Variants in OSBPL8 observed in about 807,000 individuals in gnomAD.
OSBPL8 encodes the protein oxysterol binding protein like 8.
OSBPL8 carries 59 observed loss-of-function variants against 125.5 expected under a neutral mutation model. That is an observed-to-expected ratio of 0.47 (90% CI 0.38 to 0.58). OSBPL8 has a LOEUF of 0.58. OSBPL8 is among the 20% of genes least tolerant of loss of function. The pLI is 0.00. For synonymous variants in OSBPL8, 330 were observed against 338.9 expected (o/e 0.97, Z 0.29); for missense variants, 758 against 1,047.8 (o/e 0.72, Z 3.82).
At chr12:76,405,720 C>A (rs1954233070) in intron 5 of OSBPL8, among the ~76,000 whole-genome samples, 1 of 152,130 alleles carries the variant, frequency 6.6e-6, no homozygotes, top group African/African-American at 2.4e-5. Context: ...AATCAAAACA[C>A]CTTTCAAATG....
chr12:76,356,094 T>C (rs1951973347), intron 23 of OSBPL8, 73 bp from the exon 24 acceptor site: 2 of 1,128,684 alleles, frequency 1.8e-6, no homozygotes, highest in Non-Finnish European at 2.4e-6. Context: ...CAATTTGATA[T>C]TAAACAGTCA....
chr12:76,499,708 G>A (rs1040941100), intron 1 of OSBPL8, among the ~76,000 whole-genome samples: 2 of 151,964 alleles, frequency 1.3e-5, no homozygotes, highest in South Asian at 2.1e-4. Context: ...AAAATTAGCC[G>A]GGCATGGTGG....
intron 4 of OSBPL8, 74 bp downstream of exon 4, chr12:76,450,777 A>C (rs947347833): frequency 7.1e-7 from 1 of 1,414,722 alleles, no homozygotes; most frequent in Non-Finnish European, 9.5e-7. Context: ...TAGTCCCCAA[A>C]TGTCATTCTC....
intron 12 of OSBPL8, 104 bp from the exon 13 acceptor site, chr12:76,386,764 AT>A: frequency 1.4e-6 from 1 of 720,466 alleles, no homozygotes; most frequent in South Asian, 2.2e-5. Context: ...GGAAAACATA[AT>A]TCTTATTTTA....
intron 4 of OSBPL8, among the ~76,000 whole-genome samples, chr12:76,448,611 T>C (rs986047230): frequency 1.3e-5 from 2 of 152,226 alleles, no homozygotes; most frequent in Non-Finnish European, 2.9e-5. Context: ...AACTAAGCAA[T>C]ATATGTTATA....
chr12:76,355,375 T>C lies in OSBPL8; in HGVS notation c.*514A>G, dbSNP rs1376432812. 2 of 152,132 alleles carry C rather than the reference T, an allele frequency of 1.3e-5. No individual in the cohort carries two copies. Among genetic ancestry groups the C allele is most frequent in the Non-Finnish European group, 2.9e-5 (2 of 67,974 alleles). The allele number at this position is 152,132 out of a possible 1,614,324, so 9.4% of individuals were successfully genotyped here. ...AAGAAGATAATTGAGCTGAGTGCTT[T>C]GCAAATGATTTTAACAGTAGTGTAT... On this transcript the variant is annotated 3_prime_UTR_variant, in exon 24 of 24. Transcript: ENST00000261183.
At chr12:76,536,816 CAAAA>C (rs36035843) in intron 1 of OSBPL8, among the ~76,000 whole-genome samples, 1 of 91,092 alleles carries the variant, frequency 1.1e-5, no homozygotes. Context: ...ATAGGAGTAT[CAAAA>C]AAAAAAAAAA....
At chr12:76,381,836 G>C (rs1859431694) in intron 15 of OSBPL8, among the ~76,000 whole-genome samples, 2 of 151,778 alleles carry the variant, frequency 1.3e-5, no homozygotes, top group Admixed American at 6.6e-5. Context: ...CCGGGTTCAA[G>C]TGATTCTCCT....
intron 4 of OSBPL8, among the ~76,000 whole-genome samples, chr12:76,428,202 A>T (rs1347141715): frequency 6.6e-6 from 1 of 152,052 alleles, no homozygotes; most frequent in Non-Finnish European, 1.5e-5. Context: ...TTTCCATTTG[A>T]AAATGGTAGA....
intron 12 of OSBPL8, among the ~76,000 whole-genome samples, chr12:76,386,894 C>T (rs939778041): frequency 2.0e-5 from 3 of 152,054 alleles, no homozygotes; most frequent in African/African-American, 4.8e-5. Context: ...CCTGGGTCTT[C>T]GCTAAAGTAG....
At chr12:76,437,560 A>G (rs1350390491) in intron 4 of OSBPL8, among the ~76,000 whole-genome samples, 2 of 152,194 alleles carry the variant, frequency 1.3e-5, no homozygotes, top group African/African-American at 4.8e-5. Flanking sequence ...TGTTAGTTAC[A>G]TGCACTGCAA....
chr12:76,454,839 T>G (rs12816014), intron 3 of OSBPL8, among the ~76,000 whole-genome samples: 30,945 of 150,416 alleles, frequency 0.21, 3,403 homozygotes, highest in Non-Finnish European at 0.26. Context: ...GATACATACA[T>G]GAGTAAAAAA....
intron 1 of OSBPL8, among the ~76,000 whole-genome samples, chr12:76,494,532 T>C (rs758316558): frequency 3.2e-4 from 48 of 152,174 alleles, no homozygotes; most frequent in Non-Finnish European, 6.0e-4. Flanking sequence ...AAGAGAGCTA[T>C]AAAAATACTG....
chr12:76,551,245 C>A (rs1435571969), intron 1 of OSBPL8, among the ~76,000 whole-genome samples: 3 of 152,304 alleles, frequency 2.0e-5, no homozygotes, highest in African/African-American at 7.2e-5. Flanking sequence ...ATAATAGTTT[C>A]TTTCCATTTA....
intron 1 of OSBPL8, among the ~76,000 whole-genome samples, chr12:76,525,008 C>T (rs1043175287): frequency 6.6e-6 from 1 of 152,044 alleles, no homozygotes; most frequent in Non-Finnish European, 1.5e-5. Context: ...AAATGACACA[C>T]GGTGATCAAT....
At chr12:76,494,308 C>T (rs1375892504) in intron 1 of OSBPL8, among the ~76,000 whole-genome samples, 1 of 152,080 alleles carries the variant, frequency 6.6e-6, no homozygotes, top group Non-Finnish European at 1.5e-5. Context: ...AAGGCCCTAC[C>T]CTATGGCTAC....
chr12:76,414,887 A>C (rs1323789423), intron 4 of OSBPL8, among the ~76,000 whole-genome samples: 1 of 152,154 alleles, frequency 6.6e-6, no homozygotes, highest in Non-Finnish European at 1.5e-5. Flanking sequence ...TTCTGCTTTT[A>C]ATCTGTTAGT....
At chr12:76,361,090 C>T (rs111309565) in intron 21 of OSBPL8, among the ~76,000 whole-genome samples, 9,580 of 152,258 alleles carry the variant, frequency 0.063, 428 homozygotes, top group Non-Finnish European at 0.1. Flanking sequence ...TCTACTGCAT[C>T]GTCAGGCTGC....
chr12:76,417,530 C>A (rs908225912), intron 4 of OSBPL8, among the ~76,000 whole-genome samples: 1 of 152,098 alleles, frequency 6.6e-6, no homozygotes, highest in Non-Finnish European at 1.5e-5. Flanking sequence ...CATGCCTCAA[C>A]TTCTTTATTT....
Sources: gnomAD v4.1 joint callset for allele counts (sites outside exome capture counted in the v4.1 genomes callset) on GRCh38, gnomAD v4.1.1 for gene constraint, MANE v1.5 for transcripts, NCBI Gene and HGNC (gene_info 2026-07-23, HGNC 2026-07-21) for gene names.